Variants in PARD3B observed in about 807,000 individuals in gnomAD.
PARD3B encodes the protein par-3 family cell polarity regulator beta, also known as partitioning defective 3 homolog B.
Under a neutral mutation model 130.2 loss-of-function variants are expected in PARD3B, and 103 were observed. The observed-to-expected ratio is 0.79, with a 90% confidence interval of 0.67 to 0.93. The LOEUF (loss-of-function observed/expected upper bound fraction) is 0.93, where lower values mean the gene tolerates loss of function less well. Among genes scored for constraint, PARD3B ranks in the 40% least tolerant of loss-of-function variants. The pLI, the probability that PARD3B is intolerant of heterozygous loss-of-function variation, is 0.00. For synonymous variants in PARD3B, 583 were observed against 553.2 expected (o/e 1.05, Z -0.76); for missense variants, 1,609 against 1,499.2 (o/e 1.07, Z -1.21).
intron 16 of PARD3B, among the ~76,000 whole-genome samples, chr2:205,260,048 A>C (rs1179690955): frequency 1.3e-5 from 2 of 152,182 alleles, no homozygotes; most frequent in Non-Finnish European, 2.9e-5. Flanking sequence ...TCAGCCACCC[A>C]TGTGGTCAGT....
At chr2:204,877,458 G>A (rs377651175) in intron 2 of PARD3B, among the ~76,000 whole-genome samples, 2 of 152,060 alleles carry the variant, frequency 1.3e-5, no homozygotes, top group African/African-American at 4.8e-5. Flanking sequence ...TAGAAGGAGG[G>A]CTGACTTTTC....
intron 2 of PARD3B, among the ~76,000 whole-genome samples, chr2:204,730,271 G>T (rs768074698): frequency 3.3e-5 from 5 of 152,028 alleles, no homozygotes; most frequent in Non-Finnish European, 5.9e-5. Context: ...GCTTTGCCAT[G>T]TTGGCCAGGC....
rs1475810704 is a variant in PARD3B at position 205,288,176 on chromosome 2, G to T, written c.2186-12354G>T. On this transcript the variant is annotated intron_variant, in intron 16 of 22. Transcript: ENST00000406610. The surrounding 1 kb of genome is among the most constrained non-coding windows in gnomAD (Gnocchi z 4.0). ...AAGCCATGCCAGGAGGAAGCCTAGG[G>T]GTAGCAGGCAGTGCCCCCTGTCCCG... Among the ~76,000 whole-genome samples, 1 of 152,038 alleles carries T rather than the reference G, an allele frequency of 6.6e-6. No individual in the cohort carries two copies. The highest frequency in any genetic ancestry group is 2.4e-5 in the African/African-American group (1 of 41,396).
chr2:204,831,406 A>T (rs2043813405), intron 2 of PARD3B, among the ~76,000 whole-genome samples: 1 of 152,206 alleles, frequency 6.6e-6, no homozygotes. Flanking sequence ...CTCAATCCAC[A>T]TGTCTTAATT....
At chr2:205,437,063 C>G (rs1293907739) in intron 19 of PARD3B, among the ~76,000 whole-genome samples, 1 of 152,096 alleles carries the variant, frequency 6.6e-6, no homozygotes, top group African/African-American at 2.4e-5. Flanking sequence ...ATTGACTGTA[C>G]CCCTCTAGAC....
intron 10 of PARD3B, among the ~76,000 whole-genome samples, chr2:205,135,387 A>G (rs1221587620): frequency 6.6e-6 from 1 of 152,238 alleles, no homozygotes; most frequent in African/African-American, 2.4e-5. Context: ...GGAAAAAAAT[A>G]CTACCTTAAT....
chr2:205,150,848 G>A (rs975745260), intron 10 of PARD3B, among the ~76,000 whole-genome samples: 1 of 152,102 alleles, frequency 6.6e-6, no homozygotes, highest in South Asian at 2.1e-4. Context: ...CAGGCACAGA[G>A]GAGGAGGAGA....
chr2:204,731,651 C>A (rs1219754944), intron 2 of PARD3B, among the ~76,000 whole-genome samples: 1 of 152,028 alleles, frequency 6.6e-6, no homozygotes, highest in Non-Finnish European at 1.5e-5. Flanking sequence ...TAGAATCACA[C>A]CTGAATTGAC....
At chr2:205,267,106 G>T (rs1406354143) in intron 16 of PARD3B, among the ~76,000 whole-genome samples, 4 of 152,080 alleles carry the variant, frequency 2.6e-5, no homozygotes, top group African/African-American at 2.4e-5. Flanking sequence ...TTTTACAAAT[G>T]CATACTTCGG....
At position 205,152,251 on chromosome 2, in the gene PARD3B, C is replaced by T. The variant is rs543196514; in HGVS notation, c.1435-6471C>T. Reference sequence around the variant, plus strand: ...AGTTATGTGTTTTGGAGTTGCTCTTCTCAAGGAGTATCTTTGTGGCGTTCT... The same window carrying T: ...AGTTATGTGTTTTGGAGTTGCTCTTTTCAAGGAGTATCTTTGTGGCGTTCT... On this transcript the variant is annotated intron_variant, in intron 10 of 22. Transcript: ENST00000406610. 2.1e-4 allele frequency among the ~76,000 whole-genome samples: 32 copies of T among 152,246 alleles called. No homozygotes were observed. In the South Asian group the frequency reaches 6.4e-3, roughly 31 times the overall value.
intron 18 of PARD3B, among the ~76,000 whole-genome samples, chr2:205,346,547 G>T (rs2043798151): frequency 6.6e-6 from 1 of 152,124 alleles, no homozygotes; most frequent in Non-Finnish European, 1.5e-5. Context: ...TACCTTCCAG[G>T]CTTCTATGGG....
chr2:204,757,438 A>G (rs77630130), intron 2 of PARD3B, among the ~76,000 whole-genome samples: 3,380 of 152,188 alleles, frequency 0.022, 135 homozygotes, highest in African/African-American at 0.077. Flanking sequence ...TGACCTTCTT[A>G]TAGTAGCCAT....
intron 20 of PARD3B, among the ~76,000 whole-genome samples, chr2:205,447,250 C>A (rs1228734074): frequency 2.0e-5 from 3 of 152,224 alleles, no homozygotes; most frequent in Non-Finnish European, 2.9e-5. Flanking sequence ...TTGGAGACCA[C>A]TGGTCTCAGC....
chr2:205,355,397 G>A (rs1051304180), intron 18 of PARD3B, among the ~76,000 whole-genome samples: 6 of 152,068 alleles, frequency 3.9e-5, no homozygotes, highest in Non-Finnish European at 7.4e-5. Flanking sequence ...GGTAGTAACA[G>A]AAATGAAAAA....
At position 205,325,526 on chromosome 2, in the gene PARD3B, T is replaced by TTAGTAGTAGTAG. The variant is rs56071229; in HGVS notation, c.2630+23836_2630+23847dup. Among the ~76,000 whole-genome samples, 6 of 150,520 alleles carry TTAGTAGTAGTAG rather than the reference T, an allele frequency of 4.0e-5. No homozygotes were observed. The highest frequency in any genetic ancestry group is 1.5e-4 in the African/African-American group (6 of 40,886). ...TTTACTAATATCATCTCATTGTTTA[T>TTAGTAGTAGTAG]TAGTAGTAGTAGTAGTAGTAGTCTC... On this transcript the variant is annotated intron_variant, in intron 18 of 22. Coordinates refer to ENST00000406610, the MANE Select transcript of PARD3B (RefSeq NM_001302769.2). The surrounding 1 kb of genome is among the most constrained non-coding windows in gnomAD (Gnocchi z 4.1).
Position 205,553,512 on chromosome 2 carries a change from T to A in PARD3B, c.3260+109T>A. Reference sequence around the variant, plus strand: ...TTTGAAATAGGGAATATGTTATAATTTTGCCTTGCTGCCGTCTGCTGTAGC... The same window carrying A: ...TTTGAAATAGGGAATATGTTATAATATTGCCTTGCTGCCGTCTGCTGTAGC... On this transcript the variant is annotated intron_variant, in intron 22 of 22. Transcript: ENST00000406610. 10 of 1,111,782 alleles carry A rather than the reference T, an allele frequency of 9.0e-6. 1 individual carries two copies. The South Asian group carries it at 1.4e-4, about 16-fold the overall frequency. 68.9% of individuals were successfully genotyped at this position (1,111,782 alleles called of 1,614,324 possible).
intron 13 of PARD3B, among the ~76,000 whole-genome samples, chr2:205,181,551 C>T (rs1025394221): frequency 1.3e-5 from 2 of 152,228 alleles, no homozygotes; most frequent in Non-Finnish European, 2.9e-5. Flanking sequence ...CAGAAGCACT[C>T]ATGGACAATA....
Position 205,381,250 on chromosome 2 carries a change from T to C in PARD3B, c.2631-19763T>C, listed in dbSNP as rs564941293. ...ATATAATATATATAAAAAGAATATA[T>C]GTTATATATATAATATATATGTGGA... On this transcript the variant is annotated intron_variant, in intron 18 of 22. Coordinates refer to ENST00000406610, the MANE Select transcript of PARD3B (RefSeq NM_001302769.2). 5.6e-3 allele frequency among the ~76,000 whole-genome samples: 684 copies of C among 122,014 alleles called. 8 individuals carry two copies. Among genetic ancestry groups the C allele is most frequent in the African/African-American group, 0.022 (637 of 29,340 alleles). The allele number at this position is 122,014 out of a possible 152,430, so 80.0% of individuals were successfully genotyped here. A position where few individuals can be genotyped will look rare whatever the true frequency, so the allele number is the denominator to read the frequency against.
At position 205,563,647 on chromosome 2, in the gene PARD3B, G is replaced by C. The variant is rs1319587885; in HGVS notation, c.3260+10244G>C. Among the ~76,000 whole-genome samples, 1 of 100,154 alleles carries C rather than the reference G, an allele frequency of 1.0e-5. No homozygotes were observed. The highest frequency in any genetic ancestry group is 3.2e-5 in the African/African-American group (1 of 31,036). The allele number at this position is 100,154 out of a possible 152,430, so 65.7% of individuals were successfully genotyped here. ...AAATAGAAAATGTCAAAACCTACGG[G>C]TTGTAAAAAAAAAAAGTAATAAAAT... On this transcript the variant is annotated intron_variant, in intron 22 of 22. Transcript: ENST00000406610. The surrounding 1 kb of genome is among the most constrained non-coding windows in gnomAD (Gnocchi z 4.2).
Sources: gnomAD v4.1 joint callset for allele counts (sites outside exome capture counted in the v4.1 genomes callset) on GRCh38, gnomAD v4.1.1 for gene constraint, Gnocchi (gnomAD v3.1) non-coding constraint, MANE v1.5 for transcripts, NCBI Gene and HGNC (gene_info 2026-07-23, HGNC 2026-07-21) for gene names.